Variants in TTC3 observed in about 807,000 individuals in gnomAD.
TTC3 encodes the protein tetratricopeptide repeat domain 3.
TTC3 carries 180 observed loss-of-function variants against 249.6 expected under a neutral mutation model. That is an observed-to-expected ratio of 0.72 (90% CI 0.64 to 0.82). The LOEUF is 0.82. Among genes scored for constraint, TTC3 ranks in the 40% least tolerant of loss-of-function variants. TTC3 has a pLI of 0.00. For synonymous variants in TTC3, 717 were observed against 805.0 expected (o/e 0.89, Z 1.85); for missense variants, 2,061 against 2,398.4 (o/e 0.86, Z 2.94).
intron 10 of TTC3, among the ~76,000 whole-genome samples, chr21:37,104,588 C>CAAAAAAAAAAAAA (rs141618903): frequency 3.1e-4 from 32 of 104,296 alleles, no homozygotes; most frequent in African/African-American, 3.7e-4. Flanking sequence ...AACTCCGTCT[C>CAAAAAAAAAAAAA]AAAAAAAAAA....
At chr21:37,183,040 T>G in intron 36 of TTC3, 127 bp downstream of exon 36, 4 of 867,676 alleles carry the variant, frequency 4.6e-6, no homozygotes, top group Non-Finnish European at 6.5e-6. Context: ...ACTGTTTTCA[T>G]TGTTTTGTCT....
At chr21:37,128,775 A>G (rs2077234445) in intron 15 of TTC3, among the ~76,000 whole-genome samples, 1 of 152,166 alleles carries the variant, frequency 6.6e-6, no homozygotes, top group Admixed American at 6.5e-5. Context: ...TGGTAGACCT[A>G]AATCATAATG....
intron 23 of TTC3, 56 bp from the exon 24 acceptor site, chr21:37,150,022 A>C: frequency 3.1e-6 from 4 of 1,295,788 alleles, no homozygotes; most frequent in Non-Finnish European, 4.4e-6. Flanking sequence ...ACGTGTATAG[A>C]TTTATCCCCC....
At chr21:37,096,767 T>C (rs2073985213) in intron 10 of TTC3, 124 bp downstream of exon 10, 1 of 699,244 alleles carries the variant, frequency 1.4e-6, no homozygotes, top group East Asian at 2.7e-5. Context: ...AATACTTAAG[T>C]GGTTAAAAGA....
At chr21:37,073,334 C>CG in exon 1 of TTC3, 3 of 590,416 alleles carry the variant, frequency 5.1e-6, no homozygotes, top group Non-Finnish European at 6.4e-6. Flanking sequence ...TGCTGCTGCC[C>CG]GCGTCCGAGG....
chr21:37,087,243 T>C lies in TTC3; in HGVS notation c.-11-4T>C. ...ACTGACTTGAGTTTGTGTTGTCTCCTTAGACTTGTGCACCATGGACAATTT... is the reference window on the plus strand; with the variant it reads ...ACTGACTTGAGTTTGTGTTGTCTCCCTAGACTTGTGCACCATGGACAATTT... On this transcript the variant is annotated splice_region_variant and splice_polypyrimidine_tract_variant and intron_variant, in intron 1 of 45. Coordinates refer to ENST00000355666, the Ensembl canonical transcript of TTC3. 1 of 1,613,308 alleles carries C rather than the reference T, an allele frequency of 6.2e-7. No individual in the cohort carries two copies. Among genetic ancestry groups the C allele is most frequent in the South Asian group, 1.1e-5 (1 of 90,972 alleles).
At chr21:37,120,513 T>C (rs1270892639) in intron 11 of TTC3, among the ~76,000 whole-genome samples, 1 of 152,226 alleles carries the variant, frequency 6.6e-6, no homozygotes, top group Non-Finnish European at 1.5e-5. Context: ...ATTTAAACTT[T>C]GAAGTCCGTA....
exon 14 of TTC3, chr21:37,124,679 G>T (rs911199900): frequency 6.2e-7 from 1 of 1,613,572 alleles, no homozygotes; most frequent in South Asian, 1.1e-5. Context: ...ACTTTGTGGA[G>T]AAGGAAAGAG....
intron 22 of TTC3, 23 bp downstream of exon 22, chr21:37,147,626 G>A: frequency 1.3e-6 from 2 of 1,563,766 alleles, no homozygotes; most frequent in South Asian, 1.2e-5. Flanking sequence ...TGTACAGTGG[G>A]ACATTAACTT....
chr21:37,122,420 A>T (rs1301352517), intron 12 of TTC3, among the ~76,000 whole-genome samples: 3,215 of 32,984 alleles, frequency 0.097, 68 homozygotes, highest in Non-Finnish European at 0.15. Context: ...TATATATATA[A>T]TATATATATA....
In TTC3 at chr21:37,090,114, G is replaced by A. The variant is rs542654027; in HGVS notation, c.427-119G>A. The A allele has an allele frequency of 3.5e-5, 21 of 604,728 alleles. 1 individual carries two copies. The highest frequency in any genetic ancestry group is 5.7e-4 in the Middle Eastern group (2 of 3,488). 37.5% of individuals were successfully genotyped at this position (604,728 alleles called of 1,614,324 possible). Reference sequence around the variant, plus strand: ...TAACTTGGTCATGTAAATGCTTGTCGGAAGTGTACTACTGAGTACATATAG... The same window carrying A: ...TAACTTGGTCATGTAAATGCTTGTCAGAAGTGTACTACTGAGTACATATAG... On this transcript the variant is annotated intron_variant, in intron 5 of 45. Transcript: ENST00000355666.
chr21:37,199,507 G>C (rs1044802664), intron 44 of TTC3, among the ~76,000 whole-genome samples: 9 of 152,206 alleles, frequency 5.9e-5, no homozygotes, highest in Non-Finnish European at 7.3e-5. Context: ...GCTGAGGCCA[G>C]AGCCCTCCAT....
In TTC3 at chr21:37,197,523, C is replaced by T. The variant is rs531967881; in HGVS notation, c.5580-47C>T. The T allele has an allele frequency of 2.5e-6, 4 of 1,609,374 alleles. No homozygotes were observed. The Admixed American group carries it at 6.7e-5, about 27-fold the overall frequency. On this transcript the variant is annotated intron_variant, in intron 42 of 45. Transcript: ENST00000355666. ...AATATTGGCATGTAATATTTCTTAGCAGTAGAGAACTTTCTGTTGTCATTC... is the reference window on the plus strand; with the variant it reads ...AATATTGGCATGTAATATTTCTTAGTAGTAGAGAACTTTCTGTTGTCATTC...
At chr21:37,089,840 C>T (rs945817500) in intron 5 of TTC3, among the ~76,000 whole-genome samples, 8 of 151,902 alleles carry the variant, frequency 5.3e-5, no homozygotes, top group East Asian at 1.9e-4. Flanking sequence ...AAAAATTAGC[C>T]GGGTGGTAGT....
intron 28 of TTC3, among the ~76,000 whole-genome samples, chr21:37,158,721 A>T (rs546946902): frequency 6.6e-5 from 10 of 152,260 alleles, no homozygotes; most frequent in African/African-American, 1.4e-4. Context: ...AATTTATCTC[A>T]GTCAATAATA....
intron 37 of TTC3, 67 bp downstream of exon 37, chr21:37,185,841 T>C (rs375575780): frequency 6.2e-5 from 55 of 886,744 alleles, no homozygotes; most frequent in Non-Finnish European, 8.5e-5. Flanking sequence ...ACAAGCACAG[T>C]AGACTTTGAA....
chr21:37,124,711 A>C, exon 14 of TTC3: 1 of 1,613,888 alleles, frequency 6.2e-7, no homozygotes, highest in Non-Finnish European at 8.5e-7. Flanking sequence ...ATTAATCACG[A>C]AATGGCCAAC....
At chr21:37,089,014 G>C in intron 5 of TTC3, 128 bp downstream of exon 5, 1 of 766,086 alleles carries the variant, frequency 1.3e-6, no homozygotes, top group Non-Finnish European at 2.1e-6. Context: ...GTTAACCTGA[G>C]ATAAATCTGC....
exon 33 of TTC3, chr21:37,165,556 C>T (rs763651010): frequency 1.9e-6 from 3 of 1,583,700 alleles, no homozygotes; most frequent in East Asian, 4.5e-5. Context: ...CAAGTTACTT[C>T]TCTCAGTTTT....
Sources: allele counts gnomAD v4.1 joint callset (sites outside exome capture counted in the v4.1 genomes callset), GRCh38; gene constraint gnomAD v4.1.1; transcripts MANE v1.5; gene names NCBI Gene and HGNC (gene_info 2026-07-23, HGNC 2026-07-21).